The following RGL1 variants were observed in gnomAD, a reference collection of about 807,000 sequenced individuals.
The protein encoded by RGL1 is ral guanine nucleotide dissociation stimulator like 1.
Under a neutral mutation model 95.2 loss-of-function variants are expected in RGL1, and 24 were observed. The ratio of observed to expected loss-of-function variants is 0.25; its 90% CI spans 0.18 to 0.35. The LOEUF is 0.35. Among genes scored for constraint, RGL1 ranks in the 10% least tolerant of loss-of-function variants. The pLI is 1.00. For missense variants in RGL1, 715 were observed against 936.3 expected (o/e 0.76, Z 3.08); for synonymous variants, 329 against 344.9 (o/e 0.95, Z 0.51).
Position 183,756,464 on chromosome 1 carries a change from A to T in RGL1, c.132+14175A>T, listed in dbSNP as rs1019434635. Reference sequence around the variant, plus strand: ...AATAATGAAAGTCTTCACGTCTCTTACTTAGAAACTTAGGAAGTATCCTGT... The same window carrying T: ...AATAATGAAAGTCTTCACGTCTCTTTCTTAGAAACTTAGGAAGTATCCTGT... On this transcript the variant is annotated intron_variant, in intron 2 of 18. Transcript: ENST00000304685. Among the ~76,000 whole-genome samples the T allele has an allele frequency of 7.6e-4, 116 of 152,330 alleles. 2 individuals are homozygous for T. Among genetic ancestry groups the T allele is most frequent in the African/African-American group, 2.7e-3 (112 of 41,574 alleles).
At chr1:183,757,013 G>GTTTTTT (rs1558190522) in intron 2 of RGL1, among the ~76,000 whole-genome samples, 1 of 89,668 alleles carries the variant, frequency 1.1e-5, no homozygotes, top group Non-Finnish European at 2.1e-5. Flanking sequence ...TAGTTGGGTG[G>GTTTTTT]TTTGTTTGTT....
chr1:183,713,250 TC>T (rs1283571595), intron 1 of RGL1, among the ~76,000 whole-genome samples: 2 of 152,012 alleles, frequency 1.3e-5, no homozygotes, highest in African/African-American at 4.8e-5. Context: ...GGTCTCGAAC[TC>T]CTGACCTCAG....
At chr1:183,760,710 A>G (rs1293374190) in intron 2 of RGL1, among the ~76,000 whole-genome samples, 4 of 152,074 alleles carry the variant, frequency 2.6e-5, no homozygotes, top group African/African-American at 9.7e-5. Flanking sequence ...GTATGATTGC[A>G]CCACTGCACT....
chr1:183,734,628 C>T (rs970035872), intron 1 of RGL1, among the ~76,000 whole-genome samples: 5 of 152,142 alleles, frequency 3.3e-5, no homozygotes, highest in African/African-American at 1.2e-4. Flanking sequence ...ATGGTTTTTG[C>T]ATTTTGCCTT....
At chr1:183,741,104 G>T (rs1031025873) in intron 1 of RGL1, among the ~76,000 whole-genome samples, 1 of 152,168 alleles carries the variant, frequency 6.6e-6, no homozygotes, top group Non-Finnish European at 1.5e-5. Context: ...CTTTCAAATG[G>T]CTGAAACAGT....
At chr1:183,768,043 A>G (rs1267909432) in intron 2 of RGL1, among the ~76,000 whole-genome samples, 2 of 152,174 alleles carry the variant, frequency 1.3e-5, no homozygotes, top group African/African-American at 4.8e-5. Flanking sequence ...ACTATGAGCA[A>G]TGTTAATTAG....
chr1:183,682,016 C>G (rs1653252275), intron 1 of RGL1, among the ~76,000 whole-genome samples: 1 of 151,726 alleles, frequency 6.6e-6, no homozygotes, highest in Non-Finnish European at 1.5e-5. Flanking sequence ...TGGTGATATC[C>G]CCTTTATCAT....
At chr1:183,744,145 T>C (rs1657478198) in intron 2 of RGL1, among the ~76,000 whole-genome samples, 1 of 152,198 alleles carries the variant, frequency 6.6e-6, no homozygotes, top group Non-Finnish European at 1.5e-5. Flanking sequence ...CCATGGGAAA[T>C]TATTATACCA....
Position 183,897,863 on chromosome 1 carries a change from G to T in RGL1, c.1196G>T (p.Arg399Leu). 6.2e-7 allele frequency: 1 copy of T among 1,613,978 alleles called. No homozygotes were observed. The highest frequency in any genetic ancestry group is 8.5e-7 in the Non-Finnish European group (1 of 1,179,882). ...LDSSVKENQK[R>L]TQRRLQLQKD... is the part of the protein sequence containing the mutation. Reference sequence around the variant, plus strand: ...AGCAGTGTGAAAGAAAACCAGAAGCGTACCCAGAGGCGGCTGCAGCTCCAG... The same window carrying T: ...AGCAGTGTGAAAGAAAACCAGAAGCTTACCCAGAGGCGGCTGCAGCTCCAG... The change falls in exon 10 of 18, where the codon CGT becomes CTT. Residue 399 changes from arginine (R) to leucine (L), a missense_variant. Arg to Leu is a moderately radical substitution (Grantham distance 102). Coordinates refer to ENST00000360851, the MANE Select transcript of RGL1 (RefSeq NM_001297671.3).
At chr1:183,875,329 A>G (rs1203922095) in intron 4 of RGL1, among the ~76,000 whole-genome samples, 2 of 152,180 alleles carry the variant, frequency 1.3e-5, no homozygotes, top group Non-Finnish European at 2.9e-5. Context: ...TTGACCAATT[A>G]TAGAGTATTT....
chr1:183,843,897 A>C (rs977978736), intron 2 of RGL1, among the ~76,000 whole-genome samples: 1 of 152,014 alleles, frequency 6.6e-6, no homozygotes, highest in Non-Finnish European at 1.5e-5. Flanking sequence ...CACAATCTCC[A>C]GCCCACTGCA....
At chr1:183,805,999 T>C (rs1208187101) in intron 1 of RGL1, among the ~76,000 whole-genome samples, 2 of 113,664 alleles carry the variant, frequency 1.8e-5, no homozygotes, top group African/African-American at 8.2e-5. Context: ...TTTTTTTTTT[T>C]TTTTTTTTTT....
intron 4 of RGL1, among the ~76,000 whole-genome samples, chr1:183,877,401 CT>C (rs1178379430): frequency 6.6e-6 from 1 of 152,196 alleles, no homozygotes; most frequent in Non-Finnish European, 1.5e-5. Context: ...TGCGATGTTG[CT>C]TTCTTTTTTG....
chr1:183,758,849 C>T (rs1658503132), intron 2 of RGL1, among the ~76,000 whole-genome samples: 1 of 152,126 alleles, frequency 6.6e-6, no homozygotes, highest in South Asian at 2.1e-4. Context: ...TAAATGGTGC[C>T]CTTAACTCCA....
chr1:183,893,329 G>A (rs970980709), intron 9 of RGL1, among the ~76,000 whole-genome samples: 3 of 152,190 alleles, frequency 2.0e-5, no homozygotes, highest in African/African-American at 4.8e-5. Context: ...ATAAATGGGA[G>A]CCAATCAAAG....
At chr1:183,663,513 A>G (rs1288085124) in intron 1 of RGL1, among the ~76,000 whole-genome samples, 1 of 152,152 alleles carries the variant, frequency 6.6e-6, no homozygotes, top group Non-Finnish European at 1.5e-5. Context: ...TCACAATGAG[A>G]TACCATCTCA....
At chr1:183,688,274 C>T (rs1653737312) in intron 1 of RGL1, among the ~76,000 whole-genome samples, 1 of 152,174 alleles carries the variant, frequency 6.6e-6, no homozygotes, top group Non-Finnish European at 1.5e-5. Flanking sequence ...CTCAGAGATT[C>T]ATGAAACAGC....
intron 2 of RGL1, among the ~76,000 whole-genome samples, chr1:183,766,515 A>G (rs1014596106): frequency 1.3e-5 from 2 of 152,202 alleles, no homozygotes; most frequent in African/African-American, 4.8e-5. Flanking sequence ...CATTTTCTAA[A>G]GGAAAAGATC....
intron 2 of RGL1, 143 bp from the exon 3 acceptor site, chr1:183,847,423 C>T: frequency 1.3e-6 from 1 of 753,132 alleles, no homozygotes; most frequent in South Asian, 1.8e-5. Flanking sequence ...CCACTGCTCT[C>T]CAGCCTGGGT....
Sources: gnomAD v4.1 joint callset for allele counts (sites outside exome capture counted in the v4.1 genomes callset) on GRCh38, gnomAD v4.1.1 for gene constraint, MANE v1.5 for transcripts, NCBI Gene and HGNC (gene_info 2026-07-23, HGNC 2026-07-21) for gene names.